Variants in DCAF8L2 observed in about 807,000 individuals in gnomAD.
The protein encoded by DCAF8L2 is DDB1 and CUL4 associated factor 8 like 2.
For missense variants in DCAF8L2, 430 were observed against 490.7 expected, an observed-to-expected ratio of 0.88 and a Z score of 1.17; for synonymous variants, 200 against 190.9, an observed-to-expected ratio of 1.05 and a Z score of -0.39.
At chrX:27,733,436 T>G (rs1352134291) in intron 4 of DCAF8L2, among the ~76,000 whole-genome samples, 1 of 112,291 alleles carries the variant, frequency 8.9e-6, no homozygotes, top group Non-Finnish European at 1.9e-5. Context: ...GATATTAGCT[T>G]TTATCAAATA....
chrX:27,571,437 T>C, the DCAF8L2 span, among the ~76,000 whole-genome samples: 20 of 111,605 alleles, frequency 1.8e-4, no homozygotes, highest in East Asian at 2.0e-3. Flanking sequence ...AGTGCTAGAG[T>C]TCTGAAGTTT....
chrX:27,485,675 T>C, the DCAF8L2 span, among the ~76,000 whole-genome samples: 1 of 111,445 alleles, frequency 9.0e-6, no homozygotes, highest in Admixed American at 9.6e-5. Flanking sequence ...TCTACACGAA[T>C]AATTTTAGGC....
chrX:27,579,737 T>C, the DCAF8L2 span, among the ~76,000 whole-genome samples: 1 of 109,173 alleles, frequency 9.2e-6, no homozygotes, highest in Non-Finnish European at 1.9e-5. Context: ...CTATATTTTA[T>C]TCATATACAT....
chrX:27,604,194 A>G (rs1926773909), intron 1 of DCAF8L2, among the ~76,000 whole-genome samples: 1 of 111,144 alleles, frequency 9.0e-6, no homozygotes, highest in Non-Finnish European at 1.9e-5. Flanking sequence ...CTATGAAGAT[A>G]TGGGACTTTG....
chrX:27,745,666 C>T (rs1922125473), intron 4 of DCAF8L2, among the ~76,000 whole-genome samples: 1 of 111,556 alleles, frequency 9.0e-6, no homozygotes, highest in African/African-American at 3.3e-5. Flanking sequence ...ATTTATCTTG[C>T]AATTATTCTG....
chrX:27,641,943 C>G (rs1297537591), intron 2 of DCAF8L2, among the ~76,000 whole-genome samples: 1 of 109,160 alleles, frequency 9.2e-6, no homozygotes, highest in Non-Finnish European at 1.9e-5. Flanking sequence ...TGCTGGAGTG[C>G]AGTAGGACAA....
intron 2 of DCAF8L2, among the ~76,000 whole-genome samples, chrX:27,647,790 T>C (rs1928997935): frequency 9.0e-6 from 1 of 111,156 alleles, no homozygotes; most frequent in African/African-American, 3.3e-5. Context: ...AAACCTCCTG[T>C]CAGAGGCCAA....
At chrX:27,516,941 A>G in the DCAF8L2 span, among the ~76,000 whole-genome samples, 1 of 111,864 alleles carries the variant, frequency 8.9e-6, no homozygotes, top group African/African-American at 3.2e-5. Context: ...TAAAAGAACA[A>G]GACTTTTAAA....
chrX:27,641,569 T>G (rs1274253179), intron 2 of DCAF8L2, among the ~76,000 whole-genome samples: 1 of 108,314 alleles, frequency 9.2e-6, no homozygotes, highest in African/African-American at 3.4e-5. Context: ...CCTCCTGGGT[T>G]CAAGCAGTTT....
At chrX:27,702,063 T>A (rs1307366783) in intron 3 of DCAF8L2, among the ~76,000 whole-genome samples, 1 of 111,079 alleles carries the variant, frequency 9.0e-6, no homozygotes, top group Admixed American at 9.6e-5. Context: ...AAAATAATTT[T>A]AAGAAAATAA....
At chrX:27,524,952 A>C in the DCAF8L2 span, among the ~76,000 whole-genome samples, 1 of 112,097 alleles carries the variant, frequency 8.9e-6, no homozygotes, top group Non-Finnish European at 1.9e-5. Flanking sequence ...ACTTCTAACT[A>C]TGTGGTCAAT....
chrX:27,528,014 T>C, the DCAF8L2 span, among the ~76,000 whole-genome samples: 6 of 100,394 alleles, frequency 6.0e-5, no homozygotes, highest in Admixed American at 5.9e-4. Context: ...ATTTTTAATT[T>C]AATTAATTAT....
At chrX:27,742,440 A>G (rs919908805) in intron 4 of DCAF8L2, among the ~76,000 whole-genome samples, 1 of 109,778 alleles carries the variant, frequency 9.1e-6, no homozygotes, top group African/African-American at 3.3e-5. Context: ...GGGGTGGCAC[A>G]CACCTCTAAT....
the DCAF8L2 span, among the ~76,000 whole-genome samples, chrX:27,487,839 G>T: frequency 9.0e-6 from 1 of 110,874 alleles, no homozygotes; most frequent in Non-Finnish European, 1.9e-5. Flanking sequence ...TCCTTCTCTA[G>T]GCATTTCATG....
At chrX:27,496,728 CA>C in the DCAF8L2 span, among the ~76,000 whole-genome samples, 1 of 112,064 alleles carries the variant, frequency 8.9e-6, no homozygotes, top group Non-Finnish European at 1.9e-5. Flanking sequence ...AAGTATGTTT[CA>C]CATTTCTTCT....
At chrX:27,495,547 G>A in the DCAF8L2 span, among the ~76,000 whole-genome samples, 1 of 111,781 alleles carries the variant, frequency 8.9e-6, no homozygotes, top group African/African-American at 3.2e-5. Flanking sequence ...ACATGAATTT[G>A]TATTCCATAG....
the DCAF8L2 span, among the ~76,000 whole-genome samples, chrX:27,544,441 T>A: frequency 3.0e-3 from 335 of 111,921 alleles, 1 homozygote; most frequent in South Asian, 4.9e-3. Flanking sequence ...AGTAATAATA[T>A]TAGATCTTTC....
At chrX:27,692,185 C>T (rs1447048396) in intron 3 of DCAF8L2, among the ~76,000 whole-genome samples, 3 of 111,771 alleles carry the variant, frequency 2.7e-5, no homozygotes, top group Non-Finnish European at 3.8e-5. Context: ...AACCTACCTA[C>T]GTTTACTACA....
intron 3 of DCAF8L2, among the ~76,000 whole-genome samples, chrX:27,709,215 C>T (rs1244292093): frequency 2.7e-5 from 3 of 112,213 alleles, no homozygotes; most frequent in Admixed American, 9.4e-5. Flanking sequence ...CCACCGCGCC[C>T]GACCAGTTCC....
Sources: gnomAD v4.1 joint callset for allele counts (sites outside exome capture counted in the v4.1 genomes callset) on GRCh38, gnomAD v4.1.1 for gene constraint, MANE v1.5 for transcripts, NCBI Gene and HGNC (gene_info 2026-07-23, HGNC 2026-07-21) for gene names.